Variants in YIPF4 observed in about 807,000 individuals in gnomAD.
YIPF4 encodes the protein protein YIPF4.
A neutral mutation model predicts 29.4 loss-of-function variants in YIPF4; 18 were observed. The observed-to-expected ratio is 0.61, with a 90% confidence interval of 0.42 to 0.91. The LOEUF (loss-of-function observed/expected upper bound fraction) is 0.91, where lower values mean the gene tolerates loss of function less well. YIPF4 is among the 40% of genes least tolerant of loss of function. YIPF4 has a pLI of 0.00. For missense variants in YIPF4, 279 were observed against 282.7 expected (o/e 0.99, Z 0.09); for synonymous variants, 115 against 104.7 (o/e 1.10, Z -0.60).
rs190185445 is a variant in YIPF4 at position 32,282,936 on chromosome 2, G to A, written c.79+4702G>A. 9.5e-4 allele frequency among the ~76,000 whole-genome samples: 145 copies of A among 152,046 alleles called. 3 individuals carry two copies. The East Asian group carries it at 0.025, about 26-fold the overall frequency. On this transcript the variant is annotated intron_variant, in intron 1 of 5. Coordinates refer to ENST00000238831, the MANE Select transcript of YIPF4 (RefSeq NM_032312.4). ...CTAAAAATACAAAAAAATTAGCCGG[G>A]GGTGGTGGCGGGTGCCTGTAGTCCC...
chr2:32,291,272 C>T (rs763678221), intron 2 of YIPF4, among the ~76,000 whole-genome samples: 5 of 152,192 alleles, frequency 3.3e-5, no homozygotes, highest in Admixed American at 1.3e-4. Flanking sequence ...TAGTGGCCCA[C>T]GCCAGTAATC....
intron 1 of YIPF4, among the ~76,000 whole-genome samples, chr2:32,281,147 C>T (rs1011506027): frequency 2.0e-5 from 3 of 151,958 alleles, no homozygotes; most frequent in East Asian, 1.9e-4. Context: ...TGTATATCCA[C>T]GGAGCTATAT....
At chr2:32,284,204 T>C (rs1189545081) in intron 1 of YIPF4, among the ~76,000 whole-genome samples, 2 of 152,164 alleles carry the variant, frequency 1.3e-5, no homozygotes, top group Non-Finnish European at 1.5e-5. Context: ...CTTTCATAGA[T>C]TTTATAAACA....
chr2:32,306,129 A>T lies in YIPF4; in HGVS notation c.*503A>T. 1 of 765,518 alleles carries T rather than the reference A, an allele frequency of 1.3e-6. No individual in the cohort carries two copies. The highest frequency in any genetic ancestry group is 1.6e-6 in the Non-Finnish European group (1 of 638,684). 47.4% of individuals were successfully genotyped at this position (765,518 alleles called of 1,614,324 possible). On this transcript the variant is annotated 3_prime_UTR_variant, in exon 6 of 6. Transcript: ENST00000238831. ...GATAAACATTAAGATATTAAATCTG[A>T]TGCACAAACTTTTTAATTTGGCCAT... is the stretch of plus-strand genomic sequence containing the variant.
Position 32,306,690 on chromosome 2 carries a change from A to G in YIPF4, c.*1064A>G. The G allele has an allele frequency of 1.3e-6, 1 of 761,382 alleles. No individual in the cohort carries two copies. Among genetic ancestry groups the G allele is most frequent in the Non-Finnish European group, 1.6e-6 (1 of 625,590 alleles). The allele number at this position is 761,382 out of a possible 1,614,324, so 47.2% of individuals were successfully genotyped here. A position where few individuals can be genotyped will look rare whatever the true frequency, so the allele number is the denominator to read the frequency against. Reference sequence around the variant, plus strand: ...ATATTAAGAAATTTTTATCAGTGAAATATTTGTTGCAAATAATTTCATAGG... The same window carrying G: ...ATATTAAGAAATTTTTATCAGTGAAGTATTTGTTGCAAATAATTTCATAGG... On this transcript the variant is annotated 3_prime_UTR_variant, in exon 6 of 6. Coordinates refer to ENST00000238831, the MANE Select transcript of YIPF4 (RefSeq NM_032312.4).
chr2:32,296,045 G>A (rs1352775588), intron 3 of YIPF4, among the ~76,000 whole-genome samples: 13 of 152,162 alleles, frequency 8.5e-5, no homozygotes, highest in Admixed American at 8.5e-4. Flanking sequence ...GTTTATATCA[G>A]ATGTTATGTT....
rs972497446 is a variant in YIPF4, at chr2:32,307,947, A to C, written c.*2321A>C. On this transcript the variant is annotated 3_prime_UTR_variant, in exon 6 of 6. Transcript: ENST00000238831. Reference sequence around the variant, plus strand: ...CTCTCTCAAAAAAAAAAAAAAAAAAAAAAAAAACCATGATTTGTAGATGTG... The same window carrying C: ...CTCTCTCAAAAAAAAAAAAAAAAAACAAAAAAACCATGATTTGTAGATGTG... The C allele has an allele frequency of 5.3e-5, 8 of 151,330 alleles. No homozygotes were observed. Among genetic ancestry groups the C allele is most frequent in the African/African-American group, 9.7e-5 (4 of 41,222 alleles). 9.4% of individuals were successfully genotyped at this position (151,330 alleles called of 1,614,324 possible).
At chr2:32,291,617 A>G (rs184225899) in intron 2 of YIPF4, among the ~76,000 whole-genome samples, 1 of 152,322 alleles carries the variant, frequency 6.6e-6, no homozygotes, top group Non-Finnish European at 1.5e-5. Context: ...TATTTTACAT[A>G]TTAATTAAAC....
rs537988557 is a variant in YIPF4 at position 32,305,888 on chromosome 2, A to G, written c.*262A>G. On this transcript the variant is annotated 3_prime_UTR_variant, in exon 6 of 6. Coordinates refer to ENST00000238831, the MANE Select transcript of YIPF4 (RefSeq NM_032312.4). ...TAAAATACAAAAGCATTGTGTTTTT[A>G]AGATTGTGTCGATATTCACCTAAAA... 3.2e-5 allele frequency: 34 copies of G among 1,074,232 alleles called. No individual in the cohort carries two copies. In the African/African-American group the frequency reaches 5.3e-4, roughly 17 times the overall value. The allele number at this position is 1,074,232 out of a possible 1,614,324, so 66.5% of individuals were successfully genotyped here.
At position 32,282,579 on chromosome 2, in the gene YIPF4, C is replaced by T. The variant is rs370437233; in HGVS notation, c.79+4345C>T. Among the ~76,000 whole-genome samples, 1,235 of 152,042 alleles carry T rather than the reference C, an allele frequency of 8.1e-3. 12 individuals are homozygous for T. Among genetic ancestry groups the T allele is most frequent in the Middle Eastern group, 0.048 (14 of 294 alleles). On this transcript the variant is annotated intron_variant, in intron 1 of 5. Transcript: ENST00000238831. ...TCCCAAGTAGCTGGGATTACAGGCT[C>T]GCGCCACCACACCCAGCTAATGTTT...
chr2:32,295,517 G>A (rs1277084486), intron 3 of YIPF4, among the ~76,000 whole-genome samples: 3 of 152,194 alleles, frequency 2.0e-5, no homozygotes, highest in Non-Finnish European at 1.5e-5. Flanking sequence ...GAGGCTGCCA[G>A]CATTCCTTGG....
chr2:32,280,503 C>G (rs903007868), intron 1 of YIPF4, among the ~76,000 whole-genome samples: 8 of 151,720 alleles, frequency 5.3e-5, no homozygotes, highest in South Asian at 2.1e-4. Flanking sequence ...CTCAGCCTCC[C>G]GAGTAGCTAG....
At chr2:32,281,750 A>G (rs900920530) in intron 1 of YIPF4, among the ~76,000 whole-genome samples, 4 of 151,546 alleles carry the variant, frequency 2.6e-5, no homozygotes, top group Non-Finnish European at 4.4e-5. Context: ...TTAGCCGGGC[A>G]TGGTGGCACG....
At chr2:32,280,170 C>T (rs2030331495) in intron 1 of YIPF4, among the ~76,000 whole-genome samples, 1 of 151,738 alleles carries the variant, frequency 6.6e-6, no homozygotes, top group African/African-American at 2.4e-5. Flanking sequence ...CTTTGTCACC[C>T]AGGCTGGAGT....
chr2:32,311,564 ATAAT>A lies in YIPF4; in HGVS notation c.*5942_*5945del, dbSNP rs982568220. ...ATGCTATACTAATGCTGTTGCTGAG[ATAAT>A]TAAGTTAGATACTAATATGAAAAAG... On this transcript the variant is annotated 3_prime_UTR_variant, in exon 6 of 6. Coordinates refer to ENST00000238831, the MANE Select transcript of YIPF4 (RefSeq NM_032312.4). 4 of 152,332 alleles carry A rather than the reference ATAAT, an allele frequency of 2.6e-5. No homozygotes were observed. Among genetic ancestry groups the A allele is most frequent in the South Asian group, 4.1e-4 (2 of 4,826 alleles). 9.4% of individuals were successfully genotyped at this position (152,332 alleles called of 1,614,324 possible). A position where few individuals can be genotyped will look rare whatever the true frequency, so the allele number is the denominator to read the frequency against.
intron 1 of YIPF4, among the ~76,000 whole-genome samples, chr2:32,284,666 T>G (rs2030579298): frequency 6.6e-6 from 1 of 152,164 alleles, no homozygotes; most frequent in Non-Finnish European, 1.5e-5. Context: ...TATAAATTAC[T>G]CAGTCTCAGG....
In YIPF4 at chr2:32,310,915, C is replaced by G. The variant is rs183589528; in HGVS notation, c.*5289C>G. ...AAGTAAAAATTGCATGTAAGTTGACCCGCACTATTCAAATTTGTGGTGTTC... is the reference window on the plus strand; with the variant it reads ...AAGTAAAAATTGCATGTAAGTTGACGCGCACTATTCAAATTTGTGGTGTTC... On this transcript the variant is annotated 3_prime_UTR_variant, in exon 6 of 6. Coordinates refer to ENST00000238831, the MANE Select transcript of YIPF4 (RefSeq NM_032312.4). 6.6e-6 allele frequency: 1 copy of G among 151,820 alleles called. No individual in the cohort carries two copies. Among genetic ancestry groups the G allele is most frequent in the African/African-American group, 2.4e-5 (1 of 41,426 alleles). The allele number at this position is 151,820 out of a possible 1,614,324, so 9.4% of individuals were successfully genotyped here. A position where few individuals can be genotyped will look rare whatever the true frequency, so the allele number is the denominator to read the frequency against.
chr2:32,279,523 G>T (rs1573520914), intron 1 of YIPF4, among the ~76,000 whole-genome samples: 2 of 145,840 alleles, frequency 1.4e-5, no homozygotes, highest in South Asian at 2.2e-4. Flanking sequence ...TCAGCCTCCC[G>T]TGTAGCTGGG....
At position 32,310,950 on chromosome 2, in the gene YIPF4, CTG is replaced by C. The variant is rs2031705843; in HGVS notation, c.*5326_*5327del. The C allele has an allele frequency of 6.6e-6, 1 of 152,166 alleles. No homozygotes were observed. The highest frequency in any genetic ancestry group is 2.4e-5 in the African/African-American group (1 of 41,442). 9.4% of individuals were successfully genotyped at this position (152,166 alleles called of 1,614,324 possible). On this transcript the variant is annotated 3_prime_UTR_variant, in exon 6 of 6. Transcript: ENST00000238831. Reference sequence around the variant, plus strand: ...CAAATTTGTGGTGTTCAAGGTTCAACTGTAATTTCCTAGCAGCATTTTGTGTG... The same window carrying C: ...CAAATTTGTGGTGTTCAAGGTTCAACTAATTTCCTAGCAGCATTTTGTGTG...
Sources: allele counts gnomAD v4.1 joint callset (sites outside exome capture counted in the v4.1 genomes callset), GRCh38; gene constraint gnomAD v4.1.1; transcripts MANE v1.5; gene names NCBI Gene and HGNC (gene_info 2026-07-23, HGNC 2026-07-21).